Variants in UNC80 observed in about 807,000 individuals in gnomAD.
UNC80 encodes protein unc-80 homolog.
A neutral mutation model predicts 384.6 loss-of-function variants in UNC80; 164 were observed. That is an observed-to-expected ratio of 0.43 (90% CI 0.38 to 0.49). The LOEUF is 0.49. Among genes scored for constraint, UNC80 ranks in the 20% least tolerant of loss-of-function variants. UNC80 has a pLI of 0.00. For missense variants in UNC80, 3,330 were observed against 4,143.0 expected (o/e 0.80, Z 5.39); for synonymous variants, 1,486 against 1,527.8 (o/e 0.97, Z 0.64).
Position 209,829,399 on chromosome 2 carries a change from A to T in UNC80, c.2626+20A>T. 1 of 1,550,630 alleles carries T rather than the reference A, an allele frequency of 6.4e-7. No individual in the cohort carries two copies. The highest frequency in any genetic ancestry group is 8.7e-7 in the Non-Finnish European group (1 of 1,146,310). On this transcript the variant is annotated intron_variant, in intron 15 of 64. Transcript: ENST00000673920. Reference sequence around the variant, plus strand: ...CTGACAGTAAGTAAAGCTGCACCCAAGTTCTAGGAGAAGTCGTTGTGAGGT... The same window carrying T: ...CTGACAGTAAGTAAAGCTGCACCCATGTTCTAGGAGAAGTCGTTGTGAGGT...
chr2:209,778,723 C>T (rs1233834995), intron 4 of UNC80, among the ~76,000 whole-genome samples: 1 of 152,182 alleles, frequency 6.6e-6, no homozygotes. Context: ...CTATTCGTTA[C>T]TTCTGTGAAT....
rs2081596837 is a variant in UNC80 at position 209,839,669 on chromosome 2, C to G, written c.3250+239C>G. 6.6e-6 allele frequency among the ~76,000 whole-genome samples: 1 copy of G among 152,210 alleles called. No homozygotes were observed. Among genetic ancestry groups the G allele is most frequent in the African/African-American group, 2.4e-5 (1 of 41,460 alleles). ...GGATTAAATAGCAAGCAAATACACA[C>G]AGCCTCCTAACTTTGCTAAACTTGT... is the stretch of plus-strand genomic sequence containing the variant. On this transcript the variant is annotated intron_variant, in intron 19 of 64. Coordinates refer to ENST00000673920, the MANE Select transcript of UNC80 (RefSeq NM_001371986.1). The surrounding 1 kb of genome is among the most constrained non-coding windows in gnomAD (Gnocchi z 4.1).
At chr2:209,822,941 C>A (rs1165189217) in intron 13 of UNC80, among the ~76,000 whole-genome samples, 1 of 152,056 alleles carries the variant, frequency 6.6e-6, no homozygotes, top group Non-Finnish European at 1.5e-5. Flanking sequence ...AAATAATATT[C>A]TTTTTAGTAC....
In UNC80 at chr2:209,794,005, A is replaced by G. The variant is rs957558303; in HGVS notation, c.938+146A>G. On this transcript the variant is annotated intron_variant, in intron 7 of 64. Coordinates refer to ENST00000673920, the MANE Select transcript of UNC80 (RefSeq NM_001371986.1). ...CATATTCTTGGTCAAAGTATAATTAATAATTGTAGAAATATGCTATGAATG... is the reference window on the plus strand; with the variant it reads ...CATATTCTTGGTCAAAGTATAATTAGTAATTGTAGAAATATGCTATGAATG... 13 of 993,092 alleles carry G rather than the reference A, an allele frequency of 1.3e-5. No homozygotes were observed. The African/African-American group carries it at 2.0e-4, about 15-fold the overall frequency. The allele number at this position is 993,092 out of a possible 1,614,324, so 61.5% of individuals were successfully genotyped here. A position where few individuals can be genotyped will look rare whatever the true frequency, so the allele number is the denominator to read the frequency against.
rs890912716 is a variant in UNC80, at chr2:209,976,420, C to T, written c.8772+117C>T. 2.4e-6 allele frequency: 3 copies of T among 1,260,962 alleles called. No individual in the cohort carries two copies. The highest frequency in any genetic ancestry group is 2.6e-5 in the Admixed American group (1 of 38,270). 78.1% of individuals were successfully genotyped at this position (1,260,962 alleles called of 1,614,324 possible). On this transcript the variant is annotated intron_variant, in intron 57 of 64. Coordinates refer to ENST00000673920, the MANE Select transcript of UNC80 (RefSeq NM_001371986.1). This position sits in a 1 kb window ranked among gnomAD's most constrained non-coding sequence, Gnocchi z 4.3. The stretch of plus-strand genomic sequence containing the variant: ...TACCTACTGTTGCCAGTTAGTAGGG[C>T]CTGTTAATACCATGCTTGATGAGAA...
chr2:209,837,510 G>A lies in UNC80; in HGVS notation c.3042-1712G>A, dbSNP rs1286411425. ...ACCACACTCAGACATGTGGCCACAT[G>A]TGTACTTTTTTCCCCCAATTAACCT... On this transcript the variant is annotated intron_variant, in intron 18 of 64. Transcript: ENST00000673920. Among the ~76,000 whole-genome samples the A allele has an allele frequency of 2.6e-5, 4 of 152,160 alleles. No individual in the cohort carries two copies. In the East Asian group the frequency reaches 5.8e-4, roughly 22 times the overall value.
intron 60 of UNC80, chr2:209,983,066 T>C (rs1321125028): frequency 6.6e-6 from 1 of 152,132 alleles, no homozygotes; most frequent in Non-Finnish European, 1.5e-5. Context: ...ACTTTAGGAA[T>C]TGAGTTTTTC....
intron 42 of UNC80, among the ~76,000 whole-genome samples, chr2:209,937,916 G>GA (rs1446834105): frequency 6.6e-6 from 1 of 151,776 alleles, no homozygotes. Flanking sequence ...TCTATATGTA[G>GA]ATTTTCATTT....
intron 21 of UNC80, among the ~76,000 whole-genome samples, chr2:209,849,231 A>C (rs1383462965): frequency 6.6e-6 from 1 of 152,138 alleles, no homozygotes; most frequent in Non-Finnish European, 1.5e-5. Context: ...TATTTAGGTA[A>C]AATCTTACAT....
intron 39 of UNC80, among the ~76,000 whole-genome samples, chr2:209,934,746 AG>A (rs2091126701): frequency 6.6e-6 from 1 of 152,204 alleles, no homozygotes; most frequent in Non-Finnish European, 1.5e-5. Context: ...TGTATAAAAT[AG>A]GGATATAATT....
chr2:209,817,034 C>G lies in UNC80; in HGVS notation c.1461C>G (p.Pro487=). 1 of 1,551,742 alleles carries G rather than the reference C, an allele frequency of 6.4e-7. No individual in the cohort carries two copies. The change falls in exon 10 of 65, where the codon CCC becomes CCG. Residue 487 remains proline (P), a synonymous_variant. Transcript: ENST00000673920. The part of the protein sequence containing the change: ...LLHEDHLDVS[P]TRSTFSFGSF... ...ACGAGGACCACCTGGATGTGTCCCC[C>G]ACGCGCAGCACATTCTCCTTTGGAA...
Position 209,959,115 on chromosome 2 carries a change from C to G in UNC80, c.7551-4C>G. The G allele has an allele frequency of 6.4e-7, 1 of 1,551,968 alleles. No individual in the cohort carries two copies. Among genetic ancestry groups the G allele is most frequent in the Non-Finnish European group, 8.7e-7 (1 of 1,146,920 alleles). On this transcript the variant is annotated splice_polypyrimidine_tract_variant and splice_region_variant and intron_variant, in intron 49 of 64. Coordinates refer to ENST00000673920, the MANE Select transcript of UNC80 (RefSeq NM_001371986.1). ...GTTATGTAGACTGTTTTTCTGACTC[C>G]CAGGTACCAGGAACAAGGAGCCAAA...
intron 13 of UNC80, 64 bp downstream of exon 13, chr2:209,820,743 C>T (rs2080076966): frequency 6.9e-7 from 1 of 1,458,350 alleles, no homozygotes; most frequent in Non-Finnish European, 9.1e-7. Context: ...CTAAAGCTTG[C>T]TTGCCAGCAG....
chr2:209,933,002 G>A (rs1031843037), intron 38 of UNC80, among the ~76,000 whole-genome samples: 1 of 151,666 alleles, frequency 6.6e-6, no homozygotes, highest in Admixed American at 6.6e-5. Flanking sequence ...AGTTTTCCAG[G>A]ACTACAAAAT....
At chr2:209,888,684 CG>C (rs1304365224) in intron 26 of UNC80, among the ~76,000 whole-genome samples, 2 of 151,994 alleles carry the variant, frequency 1.3e-5, no homozygotes, top group Admixed American at 1.3e-4. Flanking sequence ...GGCACAATCT[CG>C]GCCCACTGCA....
chr2:209,827,086 C>G (rs1361232842), intron 14 of UNC80, among the ~76,000 whole-genome samples: 1 of 151,962 alleles, frequency 6.6e-6, no homozygotes, highest in Non-Finnish European at 1.5e-5. Context: ...TATATTTGCA[C>G]TATTAGCTTC....
Position 209,920,853 on chromosome 2 carries a change from G to A in UNC80, c.5344-647G>A, listed in dbSNP as rs140076737. ...TTCTTTTTTTTTTTTTTTGAGACAGGGTCTCGCTCTGTTGCCCAGGCTGGA... is the reference window on the plus strand; with the variant it reads ...TTCTTTTTTTTTTTTTTTGAGACAGAGTCTCGCTCTGTTGCCCAGGCTGGA... On this transcript the variant is annotated intron_variant, in intron 33 of 64. Coordinates refer to ENST00000673920, the MANE Select transcript of UNC80 (RefSeq NM_001371986.1). Among the ~76,000 whole-genome samples, 383 of 150,276 alleles carry A rather than the reference G, an allele frequency of 2.5e-3. 1 individual carries two copies. Among genetic ancestry groups the A allele is most frequent in the African/African-American group, 8.8e-3 (361 of 40,906 alleles).
chr2:209,992,299 G>A (rs1372404390), intron 62 of UNC80, 52 bp downstream of exon 62: 7 of 1,511,010 alleles, frequency 4.6e-6, no homozygotes, highest in Admixed American at 4.0e-5. Context: ...TGGAAGCTCT[G>A]TGTGATTTTT....
chr2:209,829,904 C>A (rs2080830008), intron 15 of UNC80, among the ~76,000 whole-genome samples: 1 of 152,148 alleles, frequency 6.6e-6, no homozygotes, highest in Admixed American at 6.5e-5. Flanking sequence ...CAAATGGATG[C>A]ACAGATAAAC....
Sources: allele counts gnomAD v4.1 joint callset (sites outside exome capture counted in the v4.1 genomes callset), GRCh38; gene constraint gnomAD v4.1.1; non-coding constraint Gnocchi (gnomAD v3.1); transcripts MANE v1.5; gene names NCBI Gene and HGNC (gene_info 2026-07-23, HGNC 2026-07-21).